Variants in RBBP8NL observed in about 807,000 individuals in gnomAD.
RBBP8NL encodes the protein RBBP8 N-terminal-like protein.
In RBBP8NL, 59 loss-of-function variants were observed where a neutral mutation model predicts 62.2. The observed-to-expected ratio is 0.95, with a 90% CI of 0.77 to 1.18. The LOEUF is 1.18. RBBP8NL is among the 50% of genes most tolerant of loss of function. The probability of loss-of-function intolerance (pLI) is 0.00; values close to 1 mark genes in which losing one functional copy is unlikely to be tolerated. For missense variants in RBBP8NL, 896 were observed against 899.5 expected, an observed-to-expected ratio of 1.00 and a Z score of 0.05; for synonymous variants, 412 against 394.1, an observed-to-expected ratio of 1.05 and a Z score of -0.54.
chr20:62,414,996 C>A (rs1988528662), intron 9 of RBBP8NL, 125 bp downstream of exon 9: 1 of 1,121,812 alleles, frequency 8.9e-7, no homozygotes, highest in African/African-American at 1.6e-5. Flanking sequence ...GCTGGGTGCC[C>A]AGAAAAAGCC....
intron 4 of RBBP8NL, 134 bp downstream of exon 4, chr20:62,417,090 C>T: frequency 2.7e-6 from 2 of 738,080 alleles, no homozygotes; most frequent in South Asian, 3.7e-5. Flanking sequence ...CTGAGATGTC[C>T]TGCAGTGGGG....
chr20:62,417,712 G>A (rs1298513479), intron 3 of RBBP8NL, among the ~76,000 whole-genome samples: 2 of 69,680 alleles, frequency 2.9e-5, no homozygotes, highest in Admixed American at 2.0e-4. Context: ...TCCTGTCCAC[G>A]CAACGCCCCC....
At chr20:62,416,723 G>A (rs772841539) in intron 5 of RBBP8NL, 37 bp downstream of exon 5, 1 of 1,464,716 alleles carries the variant, frequency 6.8e-7, no homozygotes, top group Non-Finnish European at 9.4e-7. Context: ...CTGGCCCCGT[G>A]GGAGAGGACC....
chr20:62,415,772 C>A lies in RBBP8NL; in HGVS notation c.544+16G>T, dbSNP rs1245986371. 3 of 1,611,148 alleles carry A rather than the reference C, an allele frequency of 1.9e-6. No individual in the cohort carries two copies. The highest frequency in any genetic ancestry group is 1.7e-5 in the Admixed American group (1 of 59,972). On this transcript the variant is annotated intron_variant, in intron 7 of 13. Coordinates refer to ENST00000252998, the MANE Select transcript of RBBP8NL (RefSeq NM_080833.3). ...CGGGGGCCCAGCCTCCCAGCCTCAC[C>A]CGGTCCCCACAGCACCTTCTCCCCG...
At chr20:62,420,714 G>A (rs1043419899) in intron 1 of RBBP8NL, among the ~76,000 whole-genome samples, 1 of 152,208 alleles carries the variant, frequency 6.6e-6, no homozygotes, top group African/African-American at 2.4e-5. Flanking sequence ...CCCTCTGCCC[G>A]GAAGCGGCTC....
chr20:62,424,667 T>C (rs1229927186), intron 1 of RBBP8NL, among the ~76,000 whole-genome samples: 8 of 152,040 alleles, frequency 5.3e-5, no homozygotes, highest in Admixed American at 5.2e-4. Context: ...ACCTTCCACC[T>C]CATGTCCTCA....
intron 1 of RBBP8NL, among the ~76,000 whole-genome samples, chr20:62,426,478 G>A (rs933453212): frequency 6.6e-6 from 1 of 152,264 alleles, no homozygotes; most frequent in Non-Finnish European, 1.5e-5. Context: ...CTTGGAGGAA[G>A]TGCTGATTGT....
In RBBP8NL at chr20:62,414,208, G is replaced by A. The variant is rs181337740; in HGVS notation, c.1143C>T (p.Pro381=). The change falls in exon 10 of 14, where the codon CCC becomes CCT. Residue 381 remains proline (P), a synonymous_variant. Coordinates refer to ENST00000252998, the MANE Select transcript of RBBP8NL (RefSeq NM_080833.3). ...GSVRPRGQPT[P]GEMLPSLPVG... ...CTGGTAGGGAGGGCAGCATCTCCCC[G>A]GGTGTGGGCTGGCCCCTTGGCCTGA... The A allele has an allele frequency of 2.1e-5, 33 of 1,607,750 alleles. No homozygotes were observed. Among genetic ancestry groups the A allele is most frequent in the South Asian group, 1.0e-4 (9 of 90,272 alleles).
At chr20:62,412,518 A>T in intron 13 of RBBP8NL, 106 bp downstream of exon 13, 1 of 1,421,186 alleles carries the variant, frequency 7.0e-7, no homozygotes. Flanking sequence ...CATCATTCTG[A>T]GGCTGCCATT....
At chr20:62,423,429 G>A (rs1464653620) in intron 1 of RBBP8NL, among the ~76,000 whole-genome samples, 3 of 152,180 alleles carry the variant, frequency 2.0e-5, no homozygotes, top group African/African-American at 4.8e-5. Flanking sequence ...GGAGGAAGAT[G>A]TCAGAGCCGG....
intron 1 of RBBP8NL, among the ~76,000 whole-genome samples, chr20:62,424,316 G>T (rs1236624912): frequency 6.6e-6 from 1 of 152,060 alleles, no homozygotes. Context: ...GGTGTGAGGG[G>T]CGCATGTCTG....
At position 62,410,546 on chromosome 20, in the gene RBBP8NL, G is replaced by C. The variant is rs1988410151; in HGVS notation, c.*332C>G. 1.7e-5 allele frequency: 6 copies of C among 343,712 alleles called. No individual in the cohort carries two copies. In the South Asian group the frequency reaches 2.3e-4, roughly 13 times the overall value. 21.3% of individuals were successfully genotyped at this position (343,712 alleles called of 1,614,324 possible). On this transcript the variant is annotated 3_prime_UTR_variant, in exon 14 of 14. Transcript: ENST00000252998. The stretch of plus-strand genomic sequence containing the variant: ...GGAGCAGGTGCTGGGCTGTGGGAGG[G>C]GCCGCAGAGCATTTCCCAGGTGGGT...
rs1457234825 is a variant in RBBP8NL at position 62,416,967 on chromosome 20, C to T, written c.201-95G>A. ...GCCCCACTGCTGGGAAGTGCCCCTG[C>T]CCTTTGCAAACTATTCCGTAGAGCC... On this transcript the variant is annotated intron_variant, in intron 4 of 13. Coordinates refer to ENST00000252998, the MANE Select transcript of RBBP8NL (RefSeq NM_080833.3). 16 of 1,012,088 alleles carry T rather than the reference C, an allele frequency of 1.6e-5. No individual in the cohort carries two copies. The East Asian group carries it at 4.2e-4, about 27-fold the overall frequency. The allele number at this position is 1,012,088 out of a possible 1,614,324, so 62.7% of individuals were successfully genotyped here.
rs1171484820 is a variant in RBBP8NL, at chr20:62,415,560, C to G, written c.627+18G>C. The G allele has an allele frequency of 6.2e-7, 1 of 1,612,230 alleles. No individual in the cohort carries two copies. The highest frequency in any genetic ancestry group is 1.1e-5 in the South Asian group (1 of 91,058). Reference sequence around the variant, plus strand: ...CCGGCCCAGCTGCACATGGTGGGCTCCCGGTCCCTGCCCTTACCATGTCTG... The same window carrying G: ...CCGGCCCAGCTGCACATGGTGGGCTGCCGGTCCCTGCCCTTACCATGTCTG... On this transcript the variant is annotated intron_variant, in intron 8 of 13. Coordinates refer to ENST00000252998, the MANE Select transcript of RBBP8NL (RefSeq NM_080833.3).
In RBBP8NL at chr20:62,413,513, G is replaced by C; in HGVS notation, c.1563C>G (p.Leu521=). Residue 521 remains leucine (L), a synonymous_variant, in exon 11 of 14, where the codon CTC becomes CTG. Coordinates refer to ENST00000252998, the MANE Select transcript of RBBP8NL (RefSeq NM_080833.3). ...DPSRPLPGSQ[L]SLSSPGSTED... ...CTGTACTGCCTGGAGAGGACAGGCT[G>C]AGCTGGGACCCTGGAAGTGGGCGTG... 1 of 1,523,410 alleles carries C rather than the reference G, an allele frequency of 6.6e-7. No homozygotes were observed. The highest frequency in any genetic ancestry group is 8.8e-7 in the Non-Finnish European group (1 of 1,142,116). 94.4% of individuals were successfully genotyped at this position (1,523,410 alleles called of 1,614,324 possible). A position where few individuals can be genotyped will look rare whatever the true frequency, so the allele number is the denominator to read the frequency against.
Position 62,418,533 on chromosome 20 carries a change from C to T in RBBP8NL, c.62-68G>A, listed in dbSNP as rs73916597. On this transcript the variant is annotated intron_variant, in intron 2 of 13. Transcript: ENST00000252998. ...TGCTTCACCTTCAGTGTCCCCACCA[C>T]GGGGTCTGGGCAGAGCTGCAATGTG... is the stretch of plus-strand genomic sequence containing the variant. 2,421 of 1,443,720 alleles carry T rather than the reference C, an allele frequency of 1.7e-3. 37 individuals are homozygous for T. The African/African-American group carries it at 0.028, about 17-fold the overall frequency. 89.4% of individuals were successfully genotyped at this position (1,443,720 alleles called of 1,614,324 possible).
chr20:62,414,337 C>T lies in RBBP8NL; in HGVS notation c.1014G>A (p.Gly338=), dbSNP rs1988511238. 2 of 1,557,520 alleles carry T rather than the reference C, an allele frequency of 1.3e-6. No homozygotes were observed. Among genetic ancestry groups the T allele is most frequent in the African/African-American group, 2.7e-5 (2 of 73,820 alleles). The change falls in exon 10 of 14, where the codon GGG becomes GGA. Residue 338 remains glycine, a synonymous_variant. Transcript: ENST00000252998. The part of the protein sequence containing the change: ...EAWEEPTELL[G]LPSALAGMQD... ...GCATGCCCGCCAGGGCACTGGGCAG[C>T]CCCAGCAGTTCTGTGGGCTCCTCCC...
In RBBP8NL at chr20:62,423,142, G is replaced by T. The variant is rs1028173699; in HGVS notation, c.-83-3412C>A. Among the ~76,000 whole-genome samples the T allele has an allele frequency of 5.3e-5, 8 of 152,110 alleles. No individual in the cohort carries two copies. In the South Asian group the frequency reaches 1.7e-3, roughly 31 times the overall value. On this transcript the variant is annotated intron_variant, in intron 1 of 13. Transcript: ENST00000252998. ...GCAGGTCACGTGGCCAGCATCAGTG[G>T]TTCTGACCCTGTTTCCCGAACTCCG...
Position 62,413,023 on chromosome 20 carries a change from T to A in RBBP8NL, c.1676-123A>T, listed in dbSNP as rs1227538089. 5.3e-6 allele frequency: 6 copies of A among 1,124,098 alleles called. No homozygotes were observed. The Admixed American group carries it at 1.2e-4, about 23-fold the overall frequency. 69.6% of individuals were successfully genotyped at this position (1,124,098 alleles called of 1,614,324 possible). On this transcript the variant is annotated intron_variant, in intron 11 of 13. Coordinates refer to ENST00000252998, the MANE Select transcript of RBBP8NL (RefSeq NM_080833.3). ...GGAAACTGAGGCACGGAGGGCCAAG[T>A]GACCTGCCCCAGGGCACTGGCTGAC...
Sources: gnomAD v4.1 joint callset for allele counts (sites outside exome capture counted in the v4.1 genomes callset) on GRCh38, gnomAD v4.1.1 for gene constraint, MANE v1.5 for transcripts, NCBI Gene and HGNC (gene_info 2026-07-23, HGNC 2026-07-21) for gene names.